Variants in RARS1 observed in about 807,000 individuals in gnomAD.
RARS1 encodes the protein arginyl-tRNA synthetase 1, also known as arginine--tRNA ligase, cytoplasmic.
RARS1 carries 75 observed loss-of-function variants against 78.7 expected under a neutral mutation model. That is an observed-to-expected ratio of 0.95 (90% CI 0.79 to 1.15). The LOEUF (loss-of-function observed/expected upper bound fraction) is 1.15. Ranked by LOEUF, RARS1 falls within the 50% of genes most tolerant of loss-of-function variation. The pLI, the probability that RARS1 is intolerant of heterozygous loss-of-function variation, is 0.00. For synonymous variants in RARS1, 273 were observed against 268.2 expected, an observed-to-expected ratio of 1.02 and a Z score of -0.18; for missense variants, 787 against 787.5, an observed-to-expected ratio of 1.00 and a Z score of 0.01.
In RARS1 at chr5:168,506,845, A is replaced by G. The variant is rs182839308; in HGVS notation, c.1346+14A>G. The G allele has an allele frequency of 2.1e-4, 333 of 1,564,498 alleles. No individual in the cohort carries two copies. In the East Asian group the frequency reaches 6.9e-3, roughly 32 times the overall value. On this transcript the variant is annotated intron_variant, in intron 11 of 14. Coordinates refer to ENST00000231572, the MANE Select transcript of RARS1 (RefSeq NM_002887.4). ...AGGGGAAGACAAGTAAGTCTGGAAAATCTGAAGATGGTAATGATATACTTG... is the reference window on the plus strand; with the variant it reads ...AGGGGAAGACAAGTAAGTCTGGAAAGTCTGAAGATGGTAATGATATACTTG...
At position 168,518,097 on chromosome 5, in the gene RARS1, G is replaced by GTTTTTTTTTTT. The variant is rs1561829748; in HGVS notation, c.1873+36_1873+37insTTTTTTTTTTT. On this transcript the variant is annotated intron_variant, in intron 14 of 14. Transcript: ENST00000231572. ...TTTTTTTTTTTTTTTTTTTTTTTTA[G>GTTTTTTTTTTT]TGAGAGACACGGATCTTGCTCTGTC... 2.0e-5 allele frequency: 18 copies of GTTTTTTTTTTT among 920,034 alleles called. 1 individual carries two copies. The African/African-American group carries it at 9.1e-4, about 47-fold the overall frequency. The allele number at this position is 920,034 out of a possible 1,614,324, so 57.0% of individuals were successfully genotyped here.
rs768846991 is a variant in RARS1 at position 168,519,072 on chromosome 5, T to A, written c.1874-9T>A. ...CAAGTTAATTAACAACTTTTTTCTATCTTTTCAGGAAAAATATTGAAGGTG... is the reference window on the plus strand; with the variant it reads ...CAAGTTAATTAACAACTTTTTTCTAACTTTTCAGGAAAAATATTGAAGGTG... On this transcript the variant is annotated splice_polypyrimidine_tract_variant and intron_variant, in intron 14 of 14. Coordinates refer to ENST00000231572, the MANE Select transcript of RARS1 (RefSeq NM_002887.4). 6.3e-7 allele frequency: 1 copy of A among 1,597,962 alleles called. No homozygotes were observed. The highest frequency in any genetic ancestry group is 8.5e-7 in the Non-Finnish European group (1 of 1,170,722).
chr5:168,492,575 G>A, intron 2 of RARS1, 84 bp from the exon 3 acceptor site: 3 of 1,193,970 alleles, frequency 2.5e-6, no homozygotes, highest in South Asian at 3.1e-5. Context: ...ATATTTGGAG[G>A]TTTATACTCA....
At chr5:168,508,888 A>T (rs536224873) in intron 11 of RARS1, among the ~76,000 whole-genome samples, 21 of 152,296 alleles carry the variant, frequency 1.4e-4, no homozygotes, top group African/African-American at 4.8e-4. Flanking sequence ...GAAAGAGGCT[A>T]TCATCTAGAG....
chr5:168,493,013 T>C, intron 3 of RARS1, 166 bp downstream of exon 3: 3 of 560,222 alleles, frequency 5.4e-6, no homozygotes, highest in Non-Finnish European at 9.0e-6. Context: ...TGTTTTAACT[T>C]TTTTAGGCAC....
intron 14 of RARS1, 33 bp downstream of exon 14, chr5:168,518,095 T>TTTTTTTTTTTC: frequency 7.5e-7 from 1 of 1,338,148 alleles, no homozygotes; most frequent in Non-Finnish European, 9.8e-7. Flanking sequence ...TTTTTTTTTT[T>TTTTTTTTTTTC]AGTGAGAGAC....
At position 168,494,651 on chromosome 5, in the gene RARS1, G is replaced by GTA; in HGVS notation, c.579+5_579+6dup. 6.5e-7 allele frequency: 1 copy of GTA among 1,544,518 alleles called. No individual in the cohort carries two copies. Among genetic ancestry groups the GTA allele is most frequent in the East Asian group, 2.2e-5 (1 of 44,510 alleles). On this transcript the variant is annotated splice_donor_variant, in intron 5 of 14. Transcript: ENST00000231572. LOFTEE classifies it high-confidence loss of function. ...ACCTGCTCTGGGAGAGAATAAAAAG[G>GTA]TATATGTACACTCTTCTATTAATAT...
In RARS1 at chr5:168,486,522, C is replaced by CT. The variant is rs754688368; in HGVS notation, c.25dup (p.Ser9PhefsTer12). The CT allele has an allele frequency of 6.4e-7, 1 of 1,558,982 alleles. No individual in the cohort carries two copies. The highest frequency in any genetic ancestry group is 1.2e-5 in the South Asian group (1 of 84,660). ...GGATGGACGTACTGGTGTCTGAGTG[C>CT]TCCGCGCGGCTGCTGCAGCAGGTTT... On this transcript the variant is annotated frameshift_variant, in exon 1 of 15. Coordinates refer to ENST00000231572, the MANE Select transcript of RARS1 (RefSeq NM_002887.4). LOFTEE classifies it high-confidence loss of function.
intron 11 of RARS1, 90 bp downstream of exon 11, chr5:168,506,921 C>T: frequency 9.3e-7 from 1 of 1,072,200 alleles, no homozygotes; most frequent in Non-Finnish European, 1.4e-6. Flanking sequence ...TAAGAAAGTC[C>T]ACAGTTTCCT....
At chr5:168,495,197 A>G in intron 5 of RARS1, 118 bp from the exon 6 acceptor site, 1 of 1,432,820 alleles carries the variant, frequency 7.0e-7, no homozygotes, top group Non-Finnish European at 9.2e-7. Context: ...TGAGTTTGTT[A>G]TTAAATGTGT....
In RARS1 at chr5:168,518,798, G is replaced by T. The variant is rs1222181038; in HGVS notation, c.1874-283G>T. 3.9e-5 allele frequency among the ~76,000 whole-genome samples: 6 copies of T among 152,184 alleles called. No homozygotes were observed. In the East Asian group the frequency reaches 1.2e-3, roughly 29 times the overall value. Reference sequence around the variant, plus strand: ...GTTTATAGTTATTTCAGACCGTGAGGACTAGGAAAATTTTTTAAAAGAAAG... The same window carrying T: ...GTTTATAGTTATTTCAGACCGTGAGTACTAGGAAAATTTTTTAAAAGAAAG... On this transcript the variant is annotated intron_variant, in intron 14 of 14. Transcript: ENST00000231572.
Position 168,494,543 on chromosome 5 carries a change from C to T in RARS1, c.479-7C>T. ...GTATCTGATATTTTTTCTCTTCTAT[C>T]CATTAGGTTTTATTAATGTCCACTT... On this transcript the variant is annotated splice_region_variant and splice_polypyrimidine_tract_variant and intron_variant, in intron 4 of 14. Coordinates refer to ENST00000231572, the MANE Select transcript of RARS1 (RefSeq NM_002887.4). 1 of 1,605,062 alleles carries T rather than the reference C, an allele frequency of 6.2e-7. No homozygotes were observed. The highest frequency in any genetic ancestry group is 8.5e-7 in the Non-Finnish European group (1 of 1,172,378).
At position 168,502,118 on chromosome 5, in the gene RARS1, C is replaced by G. The variant is rs184084343; in HGVS notation, c.1057+13C>G. On this transcript the variant is annotated intron_variant, in intron 9 of 14. Transcript: ENST00000231572. ...TTTGAAGATAGAGGTAGGCACTCTT[C>G]TTTTAACTTTTTATTATGGAAATTT... 101 of 1,573,202 alleles carry G rather than the reference C, an allele frequency of 6.4e-5. 1 individual carries two copies. The East Asian group carries it at 2.3e-3, about 35-fold the overall frequency.
chr5:168,518,978 G>C, intron 14 of RARS1, 103 bp from the exon 15 acceptor site: 1 of 811,730 alleles, frequency 1.2e-6, no homozygotes, highest in Non-Finnish European at 2.0e-6. Flanking sequence ...CTGTGGGTTG[G>C]ACTATGCACT....
intron 2 of RARS1, among the ~76,000 whole-genome samples, chr5:168,488,999 T>C (rs148077156): frequency 3.3e-5 from 5 of 152,290 alleles, no homozygotes; most frequent in African/African-American, 9.6e-5. Flanking sequence ...AGGATTTAGG[T>C]AGGGTTGAGG....
intron 2 of RARS1, among the ~76,000 whole-genome samples, chr5:168,489,499 C>T (rs547459773): frequency 1.3e-5 from 2 of 152,234 alleles, no homozygotes; most frequent in African/African-American, 2.4e-5. Flanking sequence ...GGGGTTTTTT[C>T]CACCTGGTAT....
intron 11 of RARS1, among the ~76,000 whole-genome samples, chr5:168,508,300 C>G (rs1758490802): frequency 6.6e-6 from 1 of 151,306 alleles, no homozygotes; most frequent in Non-Finnish European, 1.5e-5. Context: ...TTATAGTATC[C>G]TATCCCACCC....
At chr5:168,507,708 G>A (rs1345771296) in intron 11 of RARS1, among the ~76,000 whole-genome samples, 7 of 152,092 alleles carry the variant, frequency 4.6e-5, no homozygotes, top group African/African-American at 9.7e-5. Flanking sequence ...TTCTAATTGC[G>A]TTTCTTCTCC....
chr5:168,518,000 T>C lies in RARS1; in HGVS notation c.1811T>C (p.Leu604Pro). The C allele has an allele frequency of 6.2e-7, 1 of 1,601,904 alleles. No individual in the cohort carries two copies. The highest frequency in any genetic ancestry group is 1.1e-5 in the South Asian group (1 of 90,892). ...ACTCTCTGTGATTATATATATGAGC[T>C]GGCAACTGCTTTCACAGAGTTCTAT... ...LHTLCDYIYE[L>P]ATAFTEFYDS... Residue 604 changes from leucine (L) to proline (P), a missense_variant, in exon 14 of 15, where the codon CTG becomes CCG. Coordinates refer to ENST00000231572, the MANE Select transcript of RARS1 (RefSeq NM_002887.4).
Sources: allele counts gnomAD v4.1 joint callset (sites outside exome capture counted in the v4.1 genomes callset), GRCh38; gene constraint gnomAD v4.1.1; transcripts MANE v1.5; gene names NCBI Gene and HGNC (gene_info 2026-07-23, HGNC 2026-07-21).